The following ARAP2 variants were observed in gnomAD, a reference collection of about 807,000 sequenced individuals.
ARAP2 encodes the protein arf-GAP with Rho-GAP domain, ANK repeat and PH domain-containing protein 2.
A neutral mutation model predicts 194.5 loss-of-function variants in ARAP2; 148 were observed. The ratio of observed to expected loss-of-function variants is 0.76; its 90% CI spans 0.67 to 0.87. ARAP2 has a LOEUF of 0.87. Ranked by LOEUF, ARAP2 falls within the 40% of genes least tolerant of loss-of-function variation. ARAP2 has a pLI of 0.00. For synonymous variants in ARAP2, 695 were observed against 683.5 expected (o/e 1.02, Z -0.26); for missense variants, 2,128 against 1,989.7 (o/e 1.07, Z -1.32).
At chr4:36,015,337 T>A (rs1039077826) in intron 8 of ARAP2, 3 of 152,224 alleles carry the variant, frequency 2.0e-5, no homozygotes, top group Non-Finnish European at 4.4e-5. Context: ...TTATGTTGCA[T>A]AACAAGCATC....
intron 1 of ARAP2, among the ~76,000 whole-genome samples, chr4:36,060,955 T>A (rs545044310): frequency 1.3e-4 from 20 of 152,286 alleles, no homozygotes; most frequent in Non-Finnish European, 1.9e-4. Context: ...TTTCAACATA[T>A]GATTTTTGGG....
At chr4:36,233,003 T>C (rs1319271789) in intron 1 of ARAP2, among the ~76,000 whole-genome samples, 1 of 152,206 alleles carries the variant, frequency 6.6e-6, no homozygotes, top group Non-Finnish European at 1.5e-5. Context: ...ACCATCTCTA[T>C]CACTCAACAT....
chr4:36,194,664 C>G (rs2109923564), intron 6 of ARAP2, among the ~76,000 whole-genome samples: 1 of 152,286 alleles, frequency 6.6e-6, no homozygotes, highest in Non-Finnish European at 1.5e-5. Context: ...TGAAACACAG[C>G]AAGCCTCCCA....
At chr4:36,017,527 T>C (rs1192721121) in intron 6 of ARAP2, among the ~76,000 whole-genome samples, 1 of 103,776 alleles carries the variant, frequency 9.6e-6, no homozygotes, top group Admixed American at 1.3e-4. Context: ...CTGTGCACTT[T>C]ATGCACCAAC....
At chr4:36,230,526 C>A (rs1751239077) in intron 1 of ARAP2, among the ~76,000 whole-genome samples, 1 of 152,182 alleles carries the variant, frequency 6.6e-6, no homozygotes, top group African/African-American at 2.4e-5. Flanking sequence ...GGTCACATGT[C>A]CTCCAATGTA....
intron 28 of ARAP2, among the ~76,000 whole-genome samples, chr4:36,085,871 T>G (rs1711646308): frequency 6.6e-6 from 1 of 152,128 alleles, no homozygotes; most frequent in African/African-American, 2.4e-5. Context: ...TCAAGTAGTT[T>G]ATGCATTTTG....
intron 5 of ARAP2, among the ~76,000 whole-genome samples, chr4:36,038,044 GGAGAC>G (rs1391224495): frequency 6.6e-6 from 1 of 152,120 alleles, no homozygotes. Flanking sequence ...CCATTTAGCA[GGAGAC>G]ATCCTGGGTT....
chr4:36,128,805 T>C lies in ARAP2; in HGVS notation c.3428-60A>G, dbSNP rs996816578. ...TCTAAATTCAAAAGCCAGTTTGATA[T>C]TTTAAAAACAAAACAAATGTTTGTG... On this transcript the variant is annotated intron_variant, in intron 20 of 32. Coordinates refer to ENST00000303965, the MANE Select transcript of ARAP2 (RefSeq NM_015230.4). The C allele has an allele frequency of 7.5e-6, 10 of 1,336,794 alleles. No homozygotes were observed. In the Admixed American group the frequency reaches 2.2e-4, roughly 30 times the overall value. The allele number at this position is 1,336,794 out of a possible 1,614,324, so 82.8% of individuals were successfully genotyped here.
chr4:36,098,132 G>T (rs1429015216), intron 27 of ARAP2, among the ~76,000 whole-genome samples: 3 of 151,978 alleles, frequency 2.0e-5, no homozygotes, highest in Non-Finnish European at 2.9e-5. Context: ...CAAACCACCA[G>T]CCCCAAATTC....
At position 36,067,966 on chromosome 4, in the gene ARAP2, C is replaced by A; in HGVS notation, c.5056G>T (p.Val1686Phe). The A allele has an allele frequency of 6.2e-7, 1 of 1,613,864 alleles. No individual in the cohort carries two copies. Among genetic ancestry groups the A allele is most frequent in the African/African-American group, 1.3e-5 (1 of 75,034 alleles). ...GGAAGGGTTCTTGACCGTTGTAGAA[C>A]CACATTAAGTTCTTCAATTACCCTT... Reference protein sequence around the residue: ...PSRVIEELNVVLQRSRTLPKE... With the variant: ...PSRVIEELNVFLQRSRTLPKE... The change falls in exon 33 of 33, where the codon GTT becomes TTT. Residue 1686 changes from valine (V) to phenylalanine (F), a missense_variant. Coordinates refer to ENST00000303965, the MANE Select transcript of ARAP2 (RefSeq NM_015230.4).
intron 2 of ARAP2, among the ~76,000 whole-genome samples, chr4:36,216,684 A>G (rs1277518901): frequency 6.6e-6 from 1 of 152,200 alleles, no homozygotes; most frequent in East Asian, 1.9e-4. Context: ...GTAAATGATA[A>G]ACAAATAGTG....
At chr4:36,156,789 T>C (rs1732658927) in intron 15 of ARAP2, among the ~76,000 whole-genome samples, 1 of 152,236 alleles carries the variant, frequency 6.6e-6, no homozygotes, top group South Asian at 2.1e-4. Flanking sequence ...ACTAAAATCA[T>C]TGCTATTGAA....
chr4:36,213,379 TA>T (rs557111650), intron 3 of ARAP2, 60 bp from the exon 4 acceptor site: 4 of 1,273,324 alleles, frequency 3.1e-6, no homozygotes, highest in African/African-American at 1.5e-5. Flanking sequence ...ATACTGTTTT[TA>T]AAAAAAGATT....
chr4:36,147,163 T>C lies in ARAP2; in HGVS notation c.3263+133A>G, dbSNP rs1369991522. On this transcript the variant is annotated intron_variant, in intron 19 of 32. Transcript: ENST00000303965. ...AAAGAGAGCTAATATATACTATATA[T>C]GTATATTTATATGATTCAGAAAATT... The C allele has an allele frequency of 1.3e-5, 9 of 673,224 alleles. No individual in the cohort carries two copies. In the East Asian group the frequency reaches 2.5e-4, roughly 19 times the overall value. 41.7% of individuals were successfully genotyped at this position (673,224 alleles called of 1,614,324 possible). A position where few individuals can be genotyped will look rare whatever the true frequency, so the allele number is the denominator to read the frequency against.
rs773908473 is a variant in ARAP2 at position 36,210,395 on chromosome 4, A to C, written c.1482T>G (p.Pro494=). Residue 494 remains proline, a synonymous_variant, in exon 6 of 33, where the codon CCT becomes CCG. Coordinates refer to ENST00000303965, the MANE Select transcript of ARAP2 (RefSeq NM_015230.4). The part of the protein sequence containing the change: ...VKSGWLDKLS[P]QGKRMFQKRW... ...ATAAATGCATACGTACATACCCTTG[A>C]GGAGAGAGTTTATCCAGCCATCCTG... 3.7e-6 allele frequency: 6 copies of C among 1,607,982 alleles called. No homozygotes were observed. The South Asian group carries it at 5.6e-5, about 15-fold the overall frequency.
Position 36,206,589 on chromosome 4 carries a change from G to C in ARAP2, c.1487+3801C>G, listed in dbSNP as rs541461190. Among the ~76,000 whole-genome samples the C allele has an allele frequency of 7.9e-5, 12 of 152,328 alleles. No homozygotes were observed. The South Asian group carries it at 2.5e-3, about 32-fold the overall frequency. On this transcript the variant is annotated intron_variant, in intron 6 of 32. Coordinates refer to ENST00000303965, the MANE Select transcript of ARAP2 (RefSeq NM_015230.4). The stretch of plus-strand genomic sequence containing the variant: ...ACCCTCTCCTTCCAGGAAGGTCTTT[G>C]AAGAAATGCTTTCTCAACCCTTGGT...
At chr4:36,036,077 G>A (rs1317146433) in intron 5 of ARAP2, among the ~76,000 whole-genome samples, 3 of 151,686 alleles carry the variant, frequency 2.0e-5, no homozygotes, top group African/African-American at 7.3e-5. Flanking sequence ...GTCCATTTTT[G>A]TTTGCTTCTC....
At chr4:36,086,560 C>T (rs910340741) in intron 28 of ARAP2, among the ~76,000 whole-genome samples, 2 of 152,048 alleles carry the variant, frequency 1.3e-5, no homozygotes, top group African/African-American at 2.4e-5. Flanking sequence ...TTGGCAAGAT[C>T]GCTTTACTGT....
At chr4:36,139,006 T>C (rs1392693033) in intron 19 of ARAP2, among the ~76,000 whole-genome samples, 3 of 151,738 alleles carry the variant, frequency 2.0e-5, no homozygotes, top group Admixed American at 6.6e-5. Context: ...TGCTATTTTA[T>C]TGGGTTTTTG....
Sources: allele counts gnomAD v4.1 joint callset (sites outside exome capture counted in the v4.1 genomes callset), GRCh38; gene constraint gnomAD v4.1.1; transcripts MANE v1.5; gene names NCBI Gene and HGNC (gene_info 2026-07-23, HGNC 2026-07-21).